PPP3R1: variants seen among roughly 807,000 people sequenced by gnomAD.
The protein encoded by PPP3R1 is protein phosphatase 3 regulatory subunit B, alpha.
PPP3R1 carries 5 observed loss-of-function variants against 22.6 expected under a neutral mutation model. The ratio of observed to expected loss-of-function variants is 0.22; its 90% CI spans 0.12 to 0.46. The LOEUF is 0.46. PPP3R1 is among the 20% of genes least tolerant of loss of function. The pLI is 0.99. For synonymous variants in PPP3R1, 56 were observed against 65.2 expected (o/e 0.86, Z 0.68); for missense variants, 61 against 203.2 (o/e 0.30, Z 4.25).
Position 68,180,861 on chromosome 2 carries a change from T to C in PPP3R1, c.*102A>G. The C allele has an allele frequency of 8.2e-7, 1 of 1,217,814 alleles. No individual in the cohort carries two copies. Among genetic ancestry groups the C allele is most frequent in the Non-Finnish European group, 1.2e-6 (1 of 851,878 alleles). 75.4% of individuals were successfully genotyped at this position (1,217,814 alleles called of 1,614,324 possible). A position where few individuals can be genotyped will look rare whatever the true frequency, so the allele number is the denominator to read the frequency against. The stretch of plus-strand genomic sequence containing the variant: ...GAAAATGTGGCTTCACAGAGAAAAA[T>C]ACTTCCATTTAAATACACAGAGAGC... On this transcript the variant is annotated 3_prime_UTR_variant, in exon 6 of 6. Transcript: ENST00000234310.
chr2:68,189,049 G>C (rs979352502), intron 2 of PPP3R1, among the ~76,000 whole-genome samples: 1 of 152,180 alleles, frequency 6.6e-6, no homozygotes, highest in Non-Finnish European at 1.5e-5. Context: ...ATGCTAAGCT[G>C]ATCACGGAGG....
intron 2 of PPP3R1, among the ~76,000 whole-genome samples, chr2:68,215,436 T>C (rs1439122690): frequency 6.6e-6 from 1 of 152,094 alleles, no homozygotes; most frequent in Non-Finnish European, 1.5e-5. Flanking sequence ...TTTGAAAGCT[T>C]CGGGCTCCAG....
At chr2:68,209,029 G>A (rs1185173985) in intron 2 of PPP3R1, among the ~76,000 whole-genome samples, 1 of 150,098 alleles carries the variant, frequency 6.7e-6, no homozygotes, top group East Asian at 1.9e-4. Flanking sequence ...TGGATAACTG[G>A]TCATAGGTAT....
chr2:68,229,979 C>CAT (rs1398973869), intron 1 of PPP3R1, among the ~76,000 whole-genome samples: 1 of 38,810 alleles, frequency 2.6e-5, no homozygotes, highest in Non-Finnish European at 4.2e-5. Flanking sequence ...CACATACACA[C>CAT]ACACACACAC....
At chr2:68,195,890 T>C (rs987031119) in intron 2 of PPP3R1, among the ~76,000 whole-genome samples, 1 of 149,714 alleles carries the variant, frequency 6.7e-6, no homozygotes, top group African/African-American at 2.5e-5. Flanking sequence ...CAACAACCTT[T>C]TTTTTTTTTT....
In PPP3R1 at chr2:68,241,706, C is replaced by G. The variant is rs1452559986; in HGVS notation, c.3+10419G>C. On this transcript the variant is annotated intron_variant, in intron 1 of 5. Coordinates refer to ENST00000234310, the MANE Select transcript of PPP3R1 (RefSeq NM_000945.4). ...TAAAAATACAAAAATTAGCCAGGCA[C>G]GGAGGCACATGCCTGTAATCCCAGC... Among the ~76,000 whole-genome samples the G allele has an allele frequency of 2.0e-5, 3 of 151,892 alleles. 1 individual carries two copies. The East Asian group carries it at 5.8e-4, about 29-fold the overall frequency.
At chr2:68,201,367 T>C (rs1416592094) in intron 2 of PPP3R1, among the ~76,000 whole-genome samples, 44 of 152,252 alleles carry the variant, frequency 2.9e-4, no homozygotes. Flanking sequence ...CAAAGCTTAA[T>C]GTGGTTTACT....
intron 1 of PPP3R1, among the ~76,000 whole-genome samples, chr2:68,238,851 A>C (rs1670066812): frequency 6.6e-6 from 1 of 152,138 alleles, no homozygotes; most frequent in Non-Finnish European, 1.5e-5. Flanking sequence ...CCTGAAAAAA[A>C]CCTCGTGTTC....
At chr2:68,232,514 T>C (rs1237253308) in intron 1 of PPP3R1, among the ~76,000 whole-genome samples, 1 of 151,764 alleles carries the variant, frequency 6.6e-6, no homozygotes, top group African/African-American at 2.4e-5. Flanking sequence ...GAGAAATGTA[T>C]CAAAGAAAAA....
At chr2:68,239,103 A>G (rs979846983) in intron 1 of PPP3R1, among the ~76,000 whole-genome samples, 2 of 152,346 alleles carry the variant, frequency 1.3e-5, no homozygotes, top group South Asian at 2.1e-4. Flanking sequence ...AAAAATGCAT[A>G]AAGATCTAGA....
chr2:68,252,382 G>A lies in PPP3R1; in HGVS notation c.-255C>T, dbSNP rs1167138808. The stretch of plus-strand genomic sequence containing the variant: ...AGAGCCGGAGAGCGCGGGAGGAGCA[G>A]CGGCGAGAGGCAGGAGAGGCAGAGA... On this transcript the variant is annotated 5_prime_UTR_variant, in exon 1 of 6. Transcript: ENST00000234310. 2.0e-6 allele frequency: 2 copies of A among 1,004,272 alleles called. No individual in the cohort carries two copies. The highest frequency in any genetic ancestry group is 2.4e-6 in the Non-Finnish European group (2 of 843,466). 62.2% of individuals were successfully genotyped at this position (1,004,272 alleles called of 1,614,324 possible).
At chr2:68,197,898 TCTC>T (rs1411874026) in intron 2 of PPP3R1, among the ~76,000 whole-genome samples, 2 of 151,566 alleles carry the variant, frequency 1.3e-5, no homozygotes, top group Non-Finnish European at 2.9e-5. Context: ...ATGAAGATTT[TCTC>T]CTGTTTTCTT....
chr2:68,221,265 G>A (rs1276127295), intron 1 of PPP3R1, among the ~76,000 whole-genome samples: 1 of 152,058 alleles, frequency 6.6e-6, no homozygotes, highest in Non-Finnish European at 1.5e-5. Context: ...TGAAGGTGGA[G>A]GCTGCAGTGA....
chr2:68,198,681 T>C (rs1050448759), intron 2 of PPP3R1, among the ~76,000 whole-genome samples: 10 of 152,032 alleles, frequency 6.6e-5, no homozygotes, highest in Non-Finnish European at 1.3e-4. Flanking sequence ...CATTTCCACA[T>C]GGAATTAACC....
Position 68,221,955 on chromosome 2 carries a change from T to C in PPP3R1, c.4-4824A>G, listed in dbSNP as rs564185803. On this transcript the variant is annotated intron_variant, in intron 1 of 5. Coordinates refer to ENST00000234310, the MANE Select transcript of PPP3R1 (RefSeq NM_000945.4). Reference sequence around the variant, plus strand: ...AAAGGAAAGATTAGGCTTCAATATATGTTCACTACAAAAAAAAAGTCAAAA... The same window carrying C: ...AAAGGAAAGATTAGGCTTCAATATACGTTCACTACAAAAAAAAAGTCAAAA... Among the ~76,000 whole-genome samples, 8 of 151,954 alleles carry C rather than the reference T, an allele frequency of 5.3e-5. No homozygotes were observed. The East Asian group carries it at 1.4e-3, about 26-fold the overall frequency.
chr2:68,238,610 T>C (rs1670059231), intron 1 of PPP3R1, among the ~76,000 whole-genome samples: 1 of 152,088 alleles, frequency 6.6e-6, no homozygotes, highest in Non-Finnish European at 1.5e-5. Context: ...TGACATAAGA[T>C]TTCCTCATCC....
chr2:68,223,856 C>T lies in PPP3R1; in HGVS notation c.4-6725G>A, dbSNP rs1300070251. 2.6e-5 allele frequency among the ~76,000 whole-genome samples: 4 copies of T among 151,008 alleles called. No homozygotes were observed. The East Asian group carries it at 7.7e-4, about 29-fold the overall frequency. On this transcript the variant is annotated intron_variant, in intron 1 of 5. Transcript: ENST00000234310. ...TACAGATTGGAAAGGAATAAACTGC[C>T]TTTCGTTGCAGATGACATAATTGTG...
At chr2:68,250,235 G>T (rs2103821176) in intron 1 of PPP3R1, among the ~76,000 whole-genome samples, 1 of 151,800 alleles carries the variant, frequency 6.6e-6, no homozygotes, top group African/African-American at 2.4e-5. Flanking sequence ...GACCTGGCAG[G>T]AAACAACATC....
rs1421392496 is a variant in PPP3R1, at chr2:68,230,011, C to CACAT, written c.4-12881_4-12880insATGT. On this transcript the variant is annotated intron_variant, in intron 1 of 5. Transcript: ENST00000234310. Reference sequence around the variant, plus strand: ...ACACACACACACACACACACACACACATATATATTTGGAGACAGGCTGTCA... The same window carrying CACAT: ...ACACACACACACACACACACACACACACATATATATATTTGGAGACAGGCTGTCA... 1.6e-4 allele frequency among the ~76,000 whole-genome samples: 22 copies of CACAT among 139,654 alleles called. No individual in the cohort carries two copies. The East Asian group carries it at 3.4e-3, about 21-fold the overall frequency. 91.6% of individuals were successfully genotyped at this position (139,654 alleles called of 152,430 possible). A position where few individuals can be genotyped will look rare whatever the true frequency, so the allele number is the denominator to read the frequency against.
Sources: allele counts gnomAD v4.1 joint callset (sites outside exome capture counted in the v4.1 genomes callset), GRCh38; gene constraint gnomAD v4.1.1; transcripts MANE v1.5; gene names NCBI Gene and HGNC (gene_info 2026-07-23, HGNC 2026-07-21).